MIA2: variants seen among roughly 807,000 people sequenced by gnomAD.
MIA2 encodes melanoma inhibitory activity protein 2.
Under a neutral mutation model 167.8 loss-of-function variants are expected in MIA2, and 127 were observed. The ratio of observed to expected loss-of-function variants is 0.76; its 90% confidence interval spans 0.66 to 0.88. MIA2 has a LOEUF of 0.88. MIA2 is among the 40% of genes least tolerant of loss of function. MIA2 has a pLI of 0.00. For synonymous variants in MIA2, 552 were observed against 541.9 expected (o/e 1.02, Z -0.26); for missense variants, 1,690 against 1,624.7 (o/e 1.04, Z -0.69).
chr14:39,290,431 A>G (rs1004158918), intron 9 of MIA2, among the ~76,000 whole-genome samples: 7 of 152,126 alleles, frequency 4.6e-5, no homozygotes, highest in African/African-American at 1.7e-4. Context: ...TGAATAATTG[A>G]AGTGCATTTT....
Position 39,248,008 on chromosome 14 carries a change from A to G in MIA2, c.1434A>G (p.Glu478=). 6.3e-7 allele frequency: 1 copy of G among 1,576,578 alleles called. No individual in the cohort carries two copies. Among genetic ancestry groups the G allele is most frequent in the Non-Finnish European group, 8.5e-7 (1 of 1,170,450 alleles). The part of the protein sequence containing the change: ...WNFQNIPKET[E]LPFPKQILDQ... ...TCCAGAACATTCCAAAGGAAACAGA[A>G]TTGCCATTTCCCAAACAGATACTGG... is the stretch of plus-strand genomic sequence containing the variant. The change falls in exon 4 of 29, where the codon GAA becomes GAG. Residue 478 remains glutamate (E), a synonymous_variant. Transcript: ENST00000640607.
intron 6 of MIA2, chr14:39,269,106 T>C: frequency 1.1e-6 from 1 of 899,232 alleles, no homozygotes; most frequent in Non-Finnish European, 1.3e-6. Flanking sequence ...TTTTGCTAAA[T>C]GCGAGTACCC....
At chr14:39,321,573 C>T (rs1208704941) in intron 24 of MIA2, among the ~76,000 whole-genome samples, 1 of 152,110 alleles carries the variant, frequency 6.6e-6, no homozygotes, top group African/African-American at 2.4e-5. Context: ...TCCTCGGCCT[C>T]CCAAAGTGCT....
chr14:39,236,762 G>C (rs1035624973), intron 1 of MIA2, among the ~76,000 whole-genome samples, 160 bp from the exon 2 acceptor site: 1 of 152,172 alleles, frequency 6.6e-6, no homozygotes, highest in African/African-American at 2.4e-5. Context: ...ACTCGATTCT[G>C]CATGCAGTGG....
In MIA2 at chr14:39,327,113, T is replaced by A. The variant is rs2067726627; in HGVS notation, c.3655+91T>A. 7.9e-6 allele frequency: 8 copies of A among 1,006,396 alleles called. No individual in the cohort carries two copies. In the South Asian group the frequency reaches 2.0e-4, roughly 26 times the overall value. 62.3% of individuals were successfully genotyped at this position (1,006,396 alleles called of 1,614,324 possible). A position where few individuals can be genotyped will look rare whatever the true frequency, so the allele number is the denominator to read the frequency against. On this transcript the variant is annotated intron_variant, in intron 25 of 28. Transcript: ENST00000640607. Reference sequence around the variant, plus strand: ...GGAAGAAGGGAGGAGTATATGTTTGTTCTCTCTTAAGAAAAATCATCGTAC... The same window carrying A: ...GGAAGAAGGGAGGAGTATATGTTTGATCTCTCTTAAGAAAAATCATCGTAC...
chr14:39,317,806 C>T (rs2065761533), intron 21 of MIA2, 138 bp from the exon 22 acceptor site: 3 of 495,630 alleles, frequency 6.1e-6, no homozygotes, highest in South Asian at 3.2e-5. Context: ...TTTCTTACTT[C>T]AGTGATTATG....
intron 23 of MIA2, among the ~76,000 whole-genome samples, chr14:39,357,671 G>A (rs2074564733): frequency 6.6e-6 from 1 of 152,222 alleles, no homozygotes; most frequent in Non-Finnish European, 1.5e-5. Flanking sequence ...AATTTGGCAT[G>A]TTTTTGCAGT....
intron 4 of MIA2, among the ~76,000 whole-genome samples, chr14:39,248,842 C>A (rs1355474491): frequency 1.3e-5 from 2 of 151,976 alleles, no homozygotes; most frequent in Admixed American, 1.3e-4. Context: ...TGGGCTCATG[C>A]AATTCTCTCA....
At position 39,326,910 on chromosome 14, in the gene MIA2, A is replaced by C; in HGVS notation, c.3543A>C (p.Glu1181Asp). 1 of 1,596,836 alleles carries C rather than the reference A, an allele frequency of 6.3e-7. No homozygotes were observed. The highest frequency in any genetic ancestry group is 8.5e-7 in the Non-Finnish European group (1 of 1,172,882). ...GNPLDHQITN[E>D]RGESSCDRLT... Reference sequence around the variant, plus strand: ...CTCTGGACCATCAGATTACCAATGAAAGAGGAGAATCAAGCTGTGATAGGT... The same window carrying C: ...CTCTGGACCATCAGATTACCAATGACAGAGGAGAATCAAGCTGTGATAGGT... The change falls in exon 25 of 29, where the codon GAA becomes GAC. Residue 1181 changes from glutamate (E) to aspartate (D), a missense_variant. Physicochemically the swap from Glu to Asp is conservative, Grantham distance 45 (BLOSUM62 2). Transcript: ENST00000640607.
chr14:39,271,606 A>C lies in MIA2; in HGVS notation c.1888-5328A>C, dbSNP rs574442532. ...AGGGGTTGCATTGAGTCTGTTGATC[A>C]GTTTAGGGAGTATTGCTCTCTTAAT... On this transcript the variant is annotated intron_variant, in intron 6 of 28. Transcript: ENST00000640607. Among the ~76,000 whole-genome samples, 28 of 152,218 alleles carry C rather than the reference A, an allele frequency of 1.8e-4. No individual in the cohort carries two copies. In the South Asian group the frequency reaches 5.4e-3, roughly 29 times the overall value.
intron 20 of MIA2, 98 bp from the exon 21 acceptor site, chr14:39,315,585 T>G: frequency 1.2e-6 from 1 of 846,160 alleles, no homozygotes; most frequent in South Asian, 1.7e-5. Flanking sequence ...ATGCTTGGGA[T>G]AGTTTTGAGT....
intron 4 of MIA2, 40 bp from the exon 5 acceptor site, chr14:39,252,708 A>T: frequency 6.7e-7 from 1 of 1,500,566 alleles, no homozygotes; most frequent in South Asian, 1.2e-5. Context: ...CAACAAAGCA[A>T]GTATTTTGGA....
chr14:39,363,212 A>G (rs1212108559), intron 23 of MIA2, among the ~76,000 whole-genome samples: 1 of 152,202 alleles, frequency 6.6e-6, no homozygotes, highest in East Asian at 1.9e-4. Context: ...TGTTATGTCT[A>G]TTTGGTCTAA....
At chr14:39,251,512 T>C (rs2054574171) in intron 4 of MIA2, among the ~76,000 whole-genome samples, 1 of 152,076 alleles carries the variant, frequency 6.6e-6, no homozygotes, top group Non-Finnish European at 1.5e-5. Flanking sequence ...TTATTTCAAA[T>C]GCAGTTTAAA....
chr14:39,264,419 G>GTCTT (rs2055324835), intron 6 of MIA2, among the ~76,000 whole-genome samples: 1 of 152,204 alleles, frequency 6.6e-6, no homozygotes, highest in South Asian at 2.1e-4. Flanking sequence ...GAGTGCACGT[G>GTCTT]TCTTTTGTTA....
intron 23 of MIA2, among the ~76,000 whole-genome samples, chr14:39,379,666 AC>A (rs2075114225): frequency 6.6e-6 from 1 of 152,154 alleles, no homozygotes; most frequent in African/African-American, 2.4e-5. Flanking sequence ...AGTCTGGCCA[AC>A]ATGGCAAAAC....
chr14:39,350,182 G>A lies in MIA2; in HGVS notation c.4157G>A (p.Gly1386Asp), dbSNP rs2074233585. The A allele has an allele frequency of 6.8e-7, 1 of 1,462,680 alleles. No individual in the cohort carries two copies. Among genetic ancestry groups the A allele is most frequent in the East Asian group, 2.7e-5 (1 of 37,312 alleles). 90.6% of individuals were successfully genotyped at this position (1,462,680 alleles called of 1,614,324 possible). The change falls in exon 29 of 29, where the codon GGT (glycine) becomes GAT (aspartate). Residue 1386 changes from glycine to aspartate, a missense_variant. By Grantham distance (94) the Gly-to-Asp change is moderately conservative (BLOSUM62 -1). Coordinates refer to ENST00000640607, the MANE Select transcript of MIA2 (RefSeq NM_001329214.4). ...TTCCCCCCACCCCCACATTCTGAAG[G>A]TAGAAGTGAGTTCCCCTCAGGTTTG... Reference protein sequence around the residue: ...GFFPPPPHSEGRSEFPSGLIP... With the variant: ...GFFPPPPHSEDRSEFPSGLIP...
At chr14:39,347,438 G>C (rs573661175) in intron 26 of MIA2, 33 of 392,198 alleles carry the variant, frequency 8.4e-5, no homozygotes, top group Non-Finnish European at 1.5e-4. Context: ...GGAGGGAGAT[G>C]CTTCCTCCCA....
chr14:39,346,916 G>C (rs1206908024), intron 26 of MIA2: 1 of 325,794 alleles, frequency 3.1e-6, no homozygotes, highest in South Asian at 2.5e-5. Flanking sequence ...TGGAAAGTCA[G>C]TATTTTATTT....
Sources: allele counts gnomAD v4.1 joint callset (sites outside exome capture counted in the v4.1 genomes callset), GRCh38; gene constraint gnomAD v4.1.1; transcripts MANE v1.5; gene names NCBI Gene and HGNC (gene_info 2026-07-23, HGNC 2026-07-21).